The following RAD51B variants were observed in gnomAD, a reference collection of about 807,000 sequenced individuals.
RAD51B encodes RAD51 paralog B.
Under a neutral mutation model 42.2 loss-of-function variants are expected in RAD51B, and 38 were observed. The observed-to-expected ratio is 0.90, with a 90% confidence interval of 0.70 to 1.18. The LOEUF (loss-of-function observed/expected upper bound fraction) is 1.18. RAD51B is among the 50% of genes most tolerant of loss of function. The pLI is 0.00. For synonymous variants in RAD51B, 154 were observed against 145.2 expected, an observed-to-expected ratio of 1.06 and a Z score of -0.43; for missense variants, 373 against 400.7, an observed-to-expected ratio of 0.93 and a Z score of 0.59.
intron 4 of RAD51B, chr14:67,843,389 C>T (rs1005874603): frequency 1.3e-5 from 2 of 149,890 alleles, no homozygotes; most frequent in Admixed American, 6.7e-5. Context: ...ATTGAGGAGT[C>T]CCTCTTCCTC....
intron 7 of RAD51B, among the ~76,000 whole-genome samples, chr14:67,950,135 G>C (rs1212811406): frequency 6.6e-6 from 1 of 152,062 alleles, no homozygotes; most frequent in African/African-American, 2.4e-5. Context: ...TACCGAGAGA[G>C]TCAGCCTATC....
intron 10 of RAD51B, among the ~76,000 whole-genome samples, chr14:68,531,497 G>A (rs1157356955): frequency 6.6e-6 from 1 of 152,118 alleles, no homozygotes; most frequent in South Asian, 2.1e-4. Flanking sequence ...TATGTTAATA[G>A]GGATAGAGAG....
chr14:68,060,980 A>G (rs2076557513), intron 7 of RAD51B, among the ~76,000 whole-genome samples: 1 of 147,454 alleles, frequency 6.8e-6, no homozygotes, highest in Non-Finnish European at 1.5e-5. Flanking sequence ...TACTACAACT[A>G]TATTTTAAGT....
chr14:68,264,443 G>A (rs965250048), intron 7 of RAD51B, among the ~76,000 whole-genome samples: 1 of 152,196 alleles, frequency 6.6e-6, no homozygotes, highest in African/African-American at 2.4e-5. Context: ...AGTTTTCTGA[G>A]TAGCTAGTGT....
intron 7 of RAD51B, among the ~76,000 whole-genome samples, chr14:68,209,801 A>G (rs2079665490): frequency 6.6e-6 from 1 of 152,108 alleles, no homozygotes; most frequent in Non-Finnish European, 1.5e-5. Context: ...TTTTATTGTA[A>G]TCGTGATTTT....
intron 10 of RAD51B, among the ~76,000 whole-genome samples, chr14:68,640,828 A>G (rs1467673997): frequency 1.3e-5 from 2 of 152,146 alleles, no homozygotes; most frequent in Non-Finnish European, 2.9e-5. Context: ...GAATTGGCCC[A>G]TTTCATCTAG....
chr14:68,488,199 C>CTTT (rs201866707), intron 10 of RAD51B, among the ~76,000 whole-genome samples: 27 of 108,300 alleles, frequency 2.5e-4, no homozygotes, highest in African/African-American at 7.7e-4. Context: ...TAGGGTTTGT[C>CTTT]TTTTTTTTTT....
chr14:67,886,422 T>C (rs1056386115), intron 6 of RAD51B, among the ~76,000 whole-genome samples: 1 of 152,158 alleles, frequency 6.6e-6, no homozygotes, highest in Non-Finnish European at 1.5e-5. Context: ...GAGTACCTGC[T>C]TCCAAGCTCC....
intron 10 of RAD51B, among the ~76,000 whole-genome samples, chr14:68,542,406 C>T (rs1888016135): frequency 1.3e-5 from 2 of 152,096 alleles, no homozygotes; most frequent in Admixed American, 1.3e-4. Context: ...CCATTGTTTC[C>T]ATGCAGGAAT....
downstream of RAD51B, among the ~76,000 whole-genome samples, chr14:68,599,250 A>G (rs1891125454): frequency 6.6e-6 from 1 of 152,222 alleles, no homozygotes; most frequent in Admixed American, 6.5e-5. Context: ...GGATGTTGCC[A>G]TACGAAACAT....
chr14:67,944,029 T>C (rs1472044955), intron 7 of RAD51B, among the ~76,000 whole-genome samples: 1 of 152,108 alleles, frequency 6.6e-6, no homozygotes, highest in Non-Finnish European at 1.5e-5. Context: ...AAAAATGATG[T>C]GATCTGAACA....
chr14:67,899,608 T>A (rs924976954), intron 7 of RAD51B, among the ~76,000 whole-genome samples: 5 of 152,238 alleles, frequency 3.3e-5, no homozygotes, highest in African/African-American at 1.2e-4. Flanking sequence ...CCTTATTTAT[T>A]GTCTCAGAGT....
intron 10 of RAD51B, among the ~76,000 whole-genome samples, chr14:68,646,655 C>T (rs1892569513): frequency 6.6e-6 from 1 of 152,148 alleles, no homozygotes; most frequent in African/African-American, 2.4e-5. Flanking sequence ...TTACATATAT[C>T]TATTCACCTG....
intron 7 of RAD51B, among the ~76,000 whole-genome samples, chr14:68,008,934 G>C (rs72725157): frequency 6.6e-6 from 1 of 151,708 alleles, no homozygotes; most frequent in Non-Finnish European, 1.5e-5. Flanking sequence ...GTTTGCTGTC[G>C]TAGAGATACG....
intron 7 of RAD51B, among the ~76,000 whole-genome samples, chr14:68,070,685 G>T (rs1266910032): frequency 6.6e-6 from 1 of 152,058 alleles, no homozygotes; most frequent in Non-Finnish European, 1.5e-5. Flanking sequence ...CTGTAGCCTT[G>T]TAGTATAGTT....
chr14:68,158,872 C>T (rs2078574697), intron 7 of RAD51B, among the ~76,000 whole-genome samples: 1 of 152,252 alleles, frequency 6.6e-6, no homozygotes, highest in Middle Eastern at 3.4e-3. Flanking sequence ...GATAAATTCT[C>T]CCAAAGCACT....
chr14:68,267,619 T>C (rs2081018640), intron 7 of RAD51B, among the ~76,000 whole-genome samples: 1 of 152,208 alleles, frequency 6.6e-6, no homozygotes, highest in Non-Finnish European at 1.5e-5. Context: ...ATAGTATGTA[T>C]AGAGACCCTT....
chr14:68,397,045 A>ATG (rs769107176), intron 8 of RAD51B, among the ~76,000 whole-genome samples: 8 of 152,232 alleles, frequency 5.3e-5, no homozygotes, highest in Non-Finnish European at 1.2e-4. Context: ...TGGTATGATA[A>ATG]TGGTACCTCC....
chr14:67,952,426 A>G (rs1200247366), intron 7 of RAD51B, among the ~76,000 whole-genome samples: 1 of 152,216 alleles, frequency 6.6e-6, no homozygotes, highest in Non-Finnish European at 1.5e-5. Flanking sequence ...AAACCTTGCC[A>G]TACACTCTGA....
Sources: gnomAD v4.1 joint callset for allele counts (sites outside exome capture counted in the v4.1 genomes callset) on GRCh38, gnomAD v4.1.1 for gene constraint, MANE v1.5 for transcripts, NCBI Gene and HGNC (gene_info 2026-07-23, HGNC 2026-07-21) for gene names.